The following TRAPPC8 variants were observed in gnomAD, a reference collection of about 807,000 sequenced individuals.
TRAPPC8 encodes general sporulation gene 1 homolog.
Under a neutral mutation model 174.3 loss-of-function variants are expected in TRAPPC8, and 54 were observed. The ratio of observed to expected loss-of-function variants is 0.31; its 90% CI spans 0.25 to 0.39. The LOEUF (loss-of-function observed/expected upper bound fraction) is 0.39, where lower values mean the gene tolerates loss of function less well. TRAPPC8 is among the 10% of genes least tolerant of loss of function. The pLI is 1.00. For missense variants in TRAPPC8, 1,531 were observed against 1,699.1 expected (o/e 0.90, Z 1.74); for synonymous variants, 630 against 579.9 (o/e 1.09, Z -1.24).
At chr18:31,942,310 G>A (rs1285072716) in intron 1 of TRAPPC8, among the ~76,000 whole-genome samples, 3 of 152,236 alleles carry the variant, frequency 2.0e-5, no homozygotes, top group Non-Finnish European at 4.4e-5. Context: ...GTGGAGAACA[G>A]TCTCAATGCC....
At chr18:31,890,636 AT>A in intron 12 of TRAPPC8, 98 bp downstream of exon 12, 1 of 1,408,250 alleles carries the variant, frequency 7.1e-7, no homozygotes, top group Admixed American at 2.3e-5. Context: ...TCAGAACAAA[AT>A]TTAGTTTTTA....
At chr18:31,921,026 AAT>A (rs1401679037) in intron 2 of TRAPPC8, among the ~76,000 whole-genome samples, 1 of 152,044 alleles carries the variant, frequency 6.6e-6, no homozygotes, top group East Asian at 1.9e-4. Flanking sequence ...GGTGTAGTTA[AAT>A]AAATTATGGC....
At chr18:31,907,714 A>G in intron 8 of TRAPPC8, 104 bp from the exon 9 acceptor site, 1 of 986,738 alleles carries the variant, frequency 1.0e-6, no homozygotes, top group Non-Finnish European at 1.4e-6. Context: ...TATGAAGAAA[A>G]CTAATGCTGT....
chr18:31,923,724 C>A (rs1310887381), intron 2 of TRAPPC8, among the ~76,000 whole-genome samples: 1 of 150,946 alleles, frequency 6.6e-6, no homozygotes, highest in Non-Finnish European at 1.5e-5. Context: ...AAAGGAGGTG[C>A]CTTTCAGTAA....
At chr18:31,837,094 G>C (rs572037478) in intron 27 of TRAPPC8, among the ~76,000 whole-genome samples, 1 of 152,110 alleles carries the variant, frequency 6.6e-6, no homozygotes, top group African/African-American at 2.4e-5. Context: ...TTCCCCAGGT[G>C]AACCCTGCAT....
At chr18:31,932,162 G>A (rs1672733230) in intron 1 of TRAPPC8, among the ~76,000 whole-genome samples, 1 of 152,104 alleles carries the variant, frequency 6.6e-6, no homozygotes, top group Admixed American at 6.5e-5. Flanking sequence ...AGGCGCGGTG[G>A]CTCACGCCTA....
At chr18:31,935,236 A>G (rs1478700237) in intron 1 of TRAPPC8, among the ~76,000 whole-genome samples, 1 of 151,074 alleles carries the variant, frequency 6.6e-6, no homozygotes, top group Non-Finnish European at 1.5e-5. Flanking sequence ...CCCAGCTACC[A>G]GGGAGGCTGA....
chr18:31,861,964 GA>G (rs1182503416), intron 19 of TRAPPC8, among the ~76,000 whole-genome samples: 1 of 132,644 alleles, frequency 7.5e-6, no homozygotes, highest in African/African-American at 2.8e-5. Context: ...GGGGAGGAGA[GA>G]AAAAAATCAA....
rs571103854 is a variant in TRAPPC8, at chr18:31,908,442, T to C, written c.1123-24A>G. On this transcript the variant is annotated intron_variant, in intron 7 of 28. Transcript: ENST00000283351. ...AGCTTTAAAAAAGAGATTAAATATG[T>C]TGACAAACAAAGAATTTAGTATTTT... is the stretch of plus-strand genomic sequence containing the variant. 21 of 1,430,712 alleles carry C rather than the reference T, an allele frequency of 1.5e-5. No individual in the cohort carries two copies. In the East Asian group the frequency reaches 4.5e-4, roughly 31 times the overall value. 88.6% of individuals were successfully genotyped at this position (1,430,712 alleles called of 1,614,324 possible).
intron 12 of TRAPPC8, among the ~76,000 whole-genome samples, chr18:31,876,379 A>G (rs2035142679): frequency 6.6e-6 from 1 of 150,820 alleles, no homozygotes; most frequent in African/African-American, 2.4e-5. Flanking sequence ...AGTCCCAGCT[A>G]CTCAGGAGGC....
At chr18:31,922,329 A>G (rs752002985) in intron 2 of TRAPPC8, among the ~76,000 whole-genome samples, 39 of 152,338 alleles carry the variant, frequency 2.6e-4, no homozygotes, top group Admixed American at 4.6e-4. Flanking sequence ...GTGGTGGCTC[A>G]TGCCTGTAAT....
chr18:31,913,324 G>GA, intron 5 of TRAPPC8, 45 bp downstream of exon 5: 1 of 1,520,926 alleles, frequency 6.6e-7, no homozygotes, highest in Non-Finnish European at 8.8e-7. Flanking sequence ...CGTAAAAACT[G>GA]AAGTATCGTT....
rs2032322180 is a variant in TRAPPC8, at chr18:31,830,884, G to A, written c.4179C>T (p.Cys1393=). Residue 1393 remains cysteine (C), a synonymous_variant, in exon 29 of 29, where the codon TGC becomes TGT. Coordinates refer to ENST00000283351, the MANE Select transcript of TRAPPC8 (RefSeq NM_014939.5). ...GGTTATAAACACCTGTATGAACAAA[G>A]CATGCTTTCAGCTGCAGACTGTGAA... ...QEIHSLQLKA[C]FVHTGVYNLG... 6.2e-7 allele frequency: 1 copy of A among 1,614,180 alleles called. No homozygotes were observed. Among genetic ancestry groups the A allele is most frequent in the Non-Finnish European group, 8.5e-7 (1 of 1,180,038 alleles).
chr18:31,847,152 T>C (rs146081222), intron 25 of TRAPPC8, among the ~76,000 whole-genome samples: 69 of 152,304 alleles, frequency 4.5e-4, no homozygotes, highest in African/African-American at 1.6e-3. Context: ...GAACTACCAA[T>C]ATACAGCTAA....
intron 10 of TRAPPC8, among the ~76,000 whole-genome samples, chr18:31,899,593 A>G (rs1459872325): frequency 6.6e-6 from 1 of 152,134 alleles, no homozygotes; most frequent in Non-Finnish European, 1.5e-5. Flanking sequence ...TCAACTCTCT[A>G]CTCAAATATT....
chr18:31,832,265 C>A, intron 27 of TRAPPC8, 92 bp from the exon 28 acceptor site: 1 of 528,390 alleles, frequency 1.9e-6, no homozygotes, highest in Admixed American at 4.3e-5. Context: ...TGTAACAGAG[C>A]ATAAGCTCCT....
In TRAPPC8 at chr18:31,874,516, C is replaced by G; in HGVS notation, c.1917G>C (p.Gln639His). The G allele has an allele frequency of 6.2e-7, 1 of 1,614,060 alleles. No homozygotes were observed. Residue 639 changes from glutamine to histidine, a missense_variant, in exon 13 of 29, where the codon CAG (glutamine) becomes CAC (histidine). By Grantham distance (24) the Gln-to-His change is conservative. Transcript: ENST00000283351. ...INESKQSAAQ[Q>H]GAFLREYLYV... ...AAAGATATTCTCTGAGGAAAGCCCC[C>G]TGTTGAGCAGCAGATTGTTTACTTT...
chr18:31,877,541 G>C (rs1314938752), intron 12 of TRAPPC8, among the ~76,000 whole-genome samples: 1 of 150,794 alleles, frequency 6.6e-6, no homozygotes, highest in African/African-American at 2.4e-5. Flanking sequence ...GAACCCCGGG[G>C]GGCGGAGCCT....
intron 26 of TRAPPC8, among the ~76,000 whole-genome samples, chr18:31,843,331 G>A (rs552604381): frequency 1.1e-4 from 17 of 152,044 alleles, no homozygotes; most frequent in African/African-American, 3.9e-4. Flanking sequence ...GAATGTTTAC[G>A]TGAACTTCAT....
Sources: allele counts gnomAD v4.1 joint callset (sites outside exome capture counted in the v4.1 genomes callset), GRCh38; gene constraint gnomAD v4.1.1; transcripts MANE v1.5; gene names NCBI Gene and HGNC (gene_info 2026-07-23, HGNC 2026-07-21).